GRAMD1B: variants seen among roughly 807,000 people sequenced by gnomAD.
The protein encoded by GRAMD1B is protein Aster-B.
GRAMD1B carries 37 observed loss-of-function variants against 99.7 expected under a neutral mutation model. The observed-to-expected ratio is 0.37, with a 90% CI of 0.29 to 0.49. The LOEUF is 0.49. GRAMD1B is among the 20% of genes least tolerant of loss of function. GRAMD1B has a pLI of 0.98. For missense variants in GRAMD1B, 888 were observed against 1,009.2 expected (o/e 0.88, Z 1.63); for synonymous variants, 427 against 387.6 (o/e 1.10, Z -1.19).
chr11:123,508,975 G>A (rs76649507), intron 2 of GRAMD1B, among the ~76,000 whole-genome samples: 4,190 of 152,250 alleles, frequency 0.028, 167 homozygotes, highest in African/African-American at 0.086. Context: ...GTGAGCCACC[G>A]TGCCTGGCCG....
At chr11:123,552,708 C>T (rs1049732426) in intron 2 of GRAMD1B, among the ~76,000 whole-genome samples, 39 of 152,264 alleles carry the variant, frequency 2.6e-4, no homozygotes, top group Admixed American at 3.9e-4. Context: ...AATGACATCT[C>T]GTTATACTGA....
At chr11:123,601,375 A>C (rs904318319) in intron 8 of GRAMD1B, among the ~76,000 whole-genome samples, 3 of 148,158 alleles carry the variant, frequency 2.0e-5, no homozygotes, top group Non-Finnish European at 1.5e-5. Context: ...ACAGAGCAAG[A>C]CCCTGTTTCA....
At chr11:123,528,182 A>C (rs1368908146) in intron 2 of GRAMD1B, among the ~76,000 whole-genome samples, 2 of 152,116 alleles carry the variant, frequency 1.3e-5, no homozygotes, top group Non-Finnish European at 2.9e-5. Flanking sequence ...AGGTACTGAT[A>C]GGGTACTAAT....
At chr11:123,402,939 G>A (rs1283700463) in intron 1 of GRAMD1B, among the ~76,000 whole-genome samples, 1 of 150,932 alleles carries the variant, frequency 6.6e-6, no homozygotes, top group Non-Finnish European at 1.5e-5. Flanking sequence ...TCCCATTACT[G>A]GGTATATATA....
At chr11:123,469,491 T>C (rs1030043900) in intron 1 of GRAMD1B, among the ~76,000 whole-genome samples, 4 of 152,110 alleles carry the variant, frequency 2.6e-5, no homozygotes, top group Admixed American at 2.0e-4. Context: ...CTGTAGGACT[T>C]GGTGTCAAAC....
Position 123,492,551 on chromosome 11 carries a change from CT to C in GRAMD1B, c.452+11659del, listed in dbSNP as rs1478230159. On this transcript the variant is annotated intron_variant, in intron 2 of 19. Transcript: ENST00000635736. This position sits in a 1 kb window ranked among gnomAD's most constrained non-coding sequence, Gnocchi z 4.2. ...TGAATCTGCCCTGCCCTCTTGGCCT[CT>C]GTAACTAGAAGAAGGAGATTTCCTG... 6.6e-6 allele frequency among the ~76,000 whole-genome samples: 1 copy of C among 152,104 alleles called. No homozygotes were observed.
chr11:123,550,101 G>A (rs1377740286), intron 2 of GRAMD1B, among the ~76,000 whole-genome samples: 2 of 152,156 alleles, frequency 1.3e-5, no homozygotes, highest in East Asian at 3.8e-4. Flanking sequence ...AAGAGAAATA[G>A]GGGAAGTTCT....
intron 1 of GRAMD1B, chr11:123,460,005 T>G (rs1675001924): frequency 6.6e-6 from 1 of 152,248 alleles, no homozygotes; most frequent in Admixed American, 6.5e-5. Context: ...TCAAGTTCAG[T>G]GGGTCCCAGA....
chr11:123,563,012 C>CA (rs1946945722), intron 2 of GRAMD1B, among the ~76,000 whole-genome samples: 1 of 152,338 alleles, frequency 6.6e-6, no homozygotes, highest in Middle Eastern at 3.4e-3. Context: ...GTCTGGGCTT[C>CA]ACAGTTAAGA....
At chr11:123,493,377 G>A (rs1678266916) in intron 2 of GRAMD1B, among the ~76,000 whole-genome samples, 1 of 152,216 alleles carries the variant, frequency 6.6e-6, no homozygotes, top group South Asian at 2.1e-4. Flanking sequence ...GCAAATAGTA[G>A]GCCTGGGCTT....
rs572072452 is a variant in GRAMD1B at position 123,550,911 on chromosome 11, A to G, written c.453-26456A>G. ...TTGGCCTTTCTCTTAAACTTTAGCA[A>G]TGTGTCTTGTCTCCTGTTCACACAC... On this transcript the variant is annotated intron_variant, in intron 2 of 19. Coordinates refer to ENST00000635736, the MANE Select transcript of GRAMD1B (RefSeq NM_001387025.1). Among the ~76,000 whole-genome samples, 8 of 152,232 alleles carry G rather than the reference A, an allele frequency of 5.3e-5. No homozygotes were observed. The South Asian group carries it at 1.2e-3, about 24-fold the overall frequency.
chr11:123,464,956 G>T (rs567837516), intron 1 of GRAMD1B, among the ~76,000 whole-genome samples: 2 of 152,120 alleles, frequency 1.3e-5, no homozygotes, highest in African/African-American at 4.8e-5. Context: ...TGTGGGAGGC[G>T]GGAAGGGGTA....
intron 2 of GRAMD1B, among the ~76,000 whole-genome samples, chr11:123,565,464 C>T (rs1219968532): frequency 1.3e-5 from 2 of 152,170 alleles, no homozygotes; most frequent in Admixed American, 6.5e-5. Context: ...GTATGTAATA[C>T]AAAGTTAGAG....
In GRAMD1B at chr11:123,624,707, G is replaced by A. The variant is rs1457267116; in HGVS notation, c.*2112G>A. 1 of 152,176 alleles carries A rather than the reference G, an allele frequency of 6.6e-6. No individual in the cohort carries two copies. The highest frequency in any genetic ancestry group is 1.5e-5 in the Non-Finnish European group (1 of 68,030). 9.4% of individuals were successfully genotyped at this position (152,176 alleles called of 1,614,324 possible). On this transcript the variant is annotated 3_prime_UTR_variant, in exon 20 of 20. Transcript: ENST00000635736. The stretch of plus-strand genomic sequence containing the variant: ...GCCAAAACTATTCCCAGAAAGTTTT[G>A]AATGCAAAACTTGTAGATTCCTGAA...
chr11:123,574,616 C>G (rs1225314494), intron 2 of GRAMD1B, among the ~76,000 whole-genome samples: 1 of 152,122 alleles, frequency 6.6e-6, no homozygotes, highest in African/African-American at 2.4e-5. Context: ...GCCTGAGAAA[C>G]CTGGTAATGA....
At chr11:123,500,277 TACC>T (rs1939723891) in intron 2 of GRAMD1B, among the ~76,000 whole-genome samples, 1 of 152,170 alleles carries the variant, frequency 6.6e-6, no homozygotes, top group South Asian at 2.1e-4. Context: ...GCCAGGATCA[TACC>T]ACTGCAGTCC....
intron 2 of GRAMD1B, among the ~76,000 whole-genome samples, chr11:123,497,001 G>A (rs572882441): frequency 5.3e-5 from 8 of 152,128 alleles, no homozygotes; most frequent in Non-Finnish European, 1.0e-4. Flanking sequence ...CCTAGATGTG[G>A]TGTTGATGCT....
chr11:123,360,016 A>C (rs1213553204), intron 1 of GRAMD1B, among the ~76,000 whole-genome samples: 2 of 152,180 alleles, frequency 1.3e-5, no homozygotes, highest in African/African-American at 4.8e-5. Flanking sequence ...CAGGAAACTG[A>C]ATAGTAGAAA....
At chr11:123,597,924 T>C (rs1410745171) in intron 7 of GRAMD1B, 16 of 1,043,108 alleles carry the variant, frequency 1.5e-5, no homozygotes, top group Non-Finnish European at 2.1e-5. Flanking sequence ...GCCCCAAAGC[T>C]GAGCTACATC....
Sources: gnomAD v4.1 joint callset for allele counts (sites outside exome capture counted in the v4.1 genomes callset) on GRCh38, gnomAD v4.1.1 for gene constraint, Gnocchi (gnomAD v3.1) non-coding constraint, MANE v1.5 for transcripts, NCBI Gene and HGNC (gene_info 2026-07-23, HGNC 2026-07-21) for gene names.